The following ELK3 variants were observed in gnomAD, a reference collection of about 807,000 sequenced individuals.
The protein encoded by ELK3 is ETS transcription factor ELK3, also known as ETS domain-containing protein Elk-3.
A neutral mutation model predicts 28.9 loss-of-function variants in ELK3; 10 were observed. The ratio of observed to expected loss-of-function variants is 0.35; its 90% CI spans 0.21 to 0.59. ELK3 has a LOEUF of 0.59. ELK3 is among the 20% of genes least tolerant of loss of function. ELK3 has a pLI of 0.82. For missense variants in ELK3, 463 were observed against 517.3 expected (o/e 0.90, Z 1.02); for synonymous variants, 272 against 243.5 (o/e 1.12, Z -1.09).
At chr12:96,255,290 A>G (rs970740798) in intron 3 of ELK3, among the ~76,000 whole-genome samples, 5 of 152,120 alleles carry the variant, frequency 3.3e-5, no homozygotes, top group African/African-American at 1.2e-4. Context: ...CCCTGCAGGA[A>G]ATTCGGGTGG....
intron 1 of ELK3, among the ~76,000 whole-genome samples, chr12:96,222,067 T>C (rs2137013592): frequency 6.6e-6 from 1 of 152,220 alleles, no homozygotes; most frequent in South Asian, 2.1e-4. Flanking sequence ...TCCCTAGCTC[T>C]CTGTGCCACT....
chr12:96,247,408 A>C lies in ELK3; in HGVS notation c.676A>C (p.Met226Leu). 6.2e-7 allele frequency: 1 copy of C among 1,613,962 alleles called. No homozygotes were observed. The part of the protein sequence containing the change: ...SSVSAKISSL[M>L]LPNAASISSA... ...CGTCTCGGCCAAGATCTCCTCTTTA[A>C]TGTTGCCAAACGCTGCCAGTATTTC... The change falls in exon 3 of 5, where the codon ATG (methionine) becomes CTG (leucine). Residue 226 changes from methionine to leucine, a missense_variant. Transcript: ENST00000228741. This position sits in a 1 kb window ranked among gnomAD's most constrained non-coding sequence, Gnocchi z 5.5.
intron 1 of ELK3, among the ~76,000 whole-genome samples, chr12:96,216,601 G>C (rs1453978410): frequency 6.6e-6 from 1 of 152,170 alleles, no homozygotes; most frequent in Non-Finnish European, 1.5e-5. Flanking sequence ...ATGCCTTCTA[G>C]CCTGGTGAAG....
At chr12:96,225,277 G>T (rs1281485493) in intron 2 of ELK3, among the ~76,000 whole-genome samples, 1 of 152,212 alleles carries the variant, frequency 6.6e-6, no homozygotes, top group Non-Finnish European at 1.5e-5. Context: ...AAAAAAAGAA[G>T]TCCTCCCTCT....
intron 2 of ELK3, among the ~76,000 whole-genome samples, chr12:96,230,498 C>T (rs1402427449): frequency 2.0e-5 from 3 of 152,110 alleles, no homozygotes; most frequent in Non-Finnish European, 1.5e-5. Context: ...GGCACAGCAC[C>T]TAGATTCTGC....
chr12:96,203,448 GTAT>G (rs1951519233), intron 1 of ELK3, among the ~76,000 whole-genome samples: 3 of 152,132 alleles, frequency 2.0e-5, no homozygotes, highest in African/African-American at 7.2e-5. Flanking sequence ...CTCATCCTTT[GTAT>G]TATCTCAGCA....
rs1311115257 is a variant in ELK3, at chr12:96,247,051, C to T, written c.319C>T (p.Leu107=). ...GGAGATCAGCCGGGAGAGCCTTCTG[C>T]TGCAGGACAGCGACTGCAAGGCGTC... ...AVEISRESLL[L]QDSDCKASPE... The change falls in exon 3 of 5, where the codon CTG becomes TTG. Residue 107 remains leucine (L), a synonymous_variant. Coordinates refer to ENST00000228741, the MANE Select transcript of ELK3 (RefSeq NM_005230.4). The surrounding 1 kb of genome is among the most constrained non-coding windows in gnomAD (Gnocchi z 5.5). 1 of 1,614,098 alleles carries T rather than the reference C, an allele frequency of 6.2e-7. No individual in the cohort carries two copies. The highest frequency in any genetic ancestry group is 1.3e-5 in the African/African-American group (1 of 75,052).
In ELK3 at chr12:96,228,416, C is replaced by CAAAAAAAAA. The variant is rs71091236; in HGVS notation, c.207+4663_207+4671dup. On this transcript the variant is annotated intron_variant, in intron 2 of 4. Transcript: ENST00000228741. The stretch of plus-strand genomic sequence containing the variant: ...CTGGCGACAGAGTGAGACTCTGTGT[C>CAAAAAAAAA]AAAAAAAAAAAAAAAAAAAAAAAAA... Among the ~76,000 whole-genome samples, 331 of 68,280 alleles carry CAAAAAAAAA rather than the reference C, an allele frequency of 4.8e-3. 16 individuals are homozygous for CAAAAAAAAA. Among genetic ancestry groups the CAAAAAAAAA allele is most frequent in the African/African-American group, 0.017 (279 of 16,882 alleles). The allele number at this position is 68,280 out of a possible 152,430, so 44.8% of individuals were successfully genotyped here. A position where few individuals can be genotyped will look rare whatever the true frequency, so the allele number is the denominator to read the frequency against.
At chr12:96,221,689 G>C (rs1355280493) in intron 1 of ELK3, among the ~76,000 whole-genome samples, 1 of 152,222 alleles carries the variant, frequency 6.6e-6, no homozygotes, top group Non-Finnish European at 1.5e-5. Context: ...GGACTCGTCA[G>C]CTGCCATGCA....
chr12:96,227,136 A>G (rs1227770142), intron 2 of ELK3, among the ~76,000 whole-genome samples: 2 of 152,066 alleles, frequency 1.3e-5, no homozygotes, highest in Non-Finnish European at 2.9e-5. Context: ...CACCTGGGCC[A>G]CTGCCGTGTG....
At position 96,267,066 on chromosome 12, in the gene ELK3, C is replaced by T. The variant is rs1417995820; in HGVS notation, c.1126-16C>T. On this transcript the variant is annotated splice_polypyrimidine_tract_variant and intron_variant, in intron 4 of 4. Transcript: ENST00000228741. Reference sequence around the variant, plus strand: ...GATTTGCAATAATTATTGTAAAAATCTTTTGTCCCCTACAGTTCCCCACAC... The same window carrying T: ...GATTTGCAATAATTATTGTAAAAATTTTTTGTCCCCTACAGTTCCCCACAC... 9 of 1,600,562 alleles carry T rather than the reference C, an allele frequency of 5.6e-6. No homozygotes were observed. The highest frequency in any genetic ancestry group is 7.7e-6 in the Non-Finnish European group (9 of 1,174,468).
intron 2 of ELK3, among the ~76,000 whole-genome samples, chr12:96,232,605 A>T (rs1042638461): frequency 3.3e-5 from 5 of 151,046 alleles, no homozygotes; most frequent in Non-Finnish European, 1.5e-5. Context: ...ATTAAAAAAA[A>T]AGTTAAAAAC....
chr12:96,267,169 C>CA lies in ELK3; in HGVS notation c.1214dup (p.Lys406GlufsTer10). The CA allele has an allele frequency of 6.2e-7, 1 of 1,612,290 alleles. No individual in the cohort carries two copies. On this transcript the variant is annotated frameshift_variant, in exon 5 of 5. Transcript: ENST00000228741. LOFTEE classifies it high-confidence loss of function. Reference sequence around the variant, plus strand: ...TCCAGTACTGCTTTCTTCAAACTCTCAGAAATCCTGATGACGTCTGGCCAC... The same window carrying CA: ...TCCAGTACTGCTTTCTTCAAACTCTCAAGAAATCCTGATGACGTCTGGCCAC...
intron 3 of ELK3, among the ~76,000 whole-genome samples, chr12:96,257,601 A>G (rs985197367): frequency 6.6e-6 from 1 of 152,222 alleles, no homozygotes; most frequent in African/African-American, 2.4e-5. Context: ...TTGTCTCTTT[A>G]AAGCTTTGAG....
At chr12:96,244,780 T>C (rs1951845167) in intron 2 of ELK3, among the ~76,000 whole-genome samples, 1 of 152,108 alleles carries the variant, frequency 6.6e-6, no homozygotes, top group South Asian at 2.1e-4. Flanking sequence ...GTCAGGTGGG[T>C]CCAATGACAC....
At chr12:96,222,583 A>G (rs1951670098) in intron 1 of ELK3, among the ~76,000 whole-genome samples, 1 of 152,188 alleles carries the variant, frequency 6.6e-6, no homozygotes, top group South Asian at 2.1e-4. Context: ...ATGGGTTATC[A>G]GAGTGCTGGC....
intron 1 of ELK3, among the ~76,000 whole-genome samples, chr12:96,208,442 C>T (rs2887095): frequency 6.6e-6 from 1 of 152,082 alleles, no homozygotes; most frequent in South Asian, 2.1e-4. Flanking sequence ...AAGAAAGTTC[C>T]CAGTTTTCCT....
At chr12:96,218,891 G>A (rs1951641533) in intron 1 of ELK3, among the ~76,000 whole-genome samples, 1 of 152,034 alleles carries the variant, frequency 6.6e-6, no homozygotes, top group Admixed American at 6.6e-5. Flanking sequence ...CTTGTGATCC[G>A]CCCGCCTCGG....
At chr12:96,245,871 G>C (rs1256782534) in intron 2 of ELK3, among the ~76,000 whole-genome samples, 4 of 152,178 alleles carry the variant, frequency 2.6e-5, no homozygotes, top group Admixed American at 2.0e-4. Context: ...AATGATTATT[G>C]CTTTTCATTT....
Sources: allele counts gnomAD v4.1 joint callset (sites outside exome capture counted in the v4.1 genomes callset), GRCh38; gene constraint gnomAD v4.1.1; non-coding constraint Gnocchi (gnomAD v3.1); transcripts MANE v1.5; gene names NCBI Gene and HGNC (gene_info 2026-07-23, HGNC 2026-07-21).